MAP2: variants seen among roughly 807,000 people sequenced by gnomAD.
MAP2 encodes microtubule-associated protein 2.
MAP2 carries 14 observed loss-of-function variants against 137.6 expected under a neutral mutation model. The ratio of observed to expected loss-of-function variants is 0.10; its 90% CI spans 0.07 to 0.16. The LOEUF (loss-of-function observed/expected upper bound fraction) is 0.16, where lower values mean the gene tolerates loss of function less well. MAP2 is among the 10% of genes least tolerant of loss of function. MAP2 has a pLI of 1.00. For synonymous variants in MAP2, 786 were observed against 782.3 expected (o/e 1.00, Z -0.08); for missense variants, 2,088 against 2,191.5 (o/e 0.95, Z 0.94).
chr2:209,443,641 T>C (rs1029060186), intron 1 of MAP2, among the ~76,000 whole-genome samples: 5 of 151,642 alleles, frequency 3.3e-5, no homozygotes, highest in African/African-American at 9.7e-5. Context: ...TCAACCTCAG[T>C]TTCTTCACTT....
intron 6 of MAP2, among the ~76,000 whole-genome samples, chr2:209,680,374 A>G (rs977930111): frequency 3.9e-5 from 6 of 152,202 alleles, no homozygotes; most frequent in Non-Finnish European, 5.9e-5. Flanking sequence ...AGCTGAATCC[A>G]GACTAAAAAC....
intron 2 of MAP2, among the ~76,000 whole-genome samples, chr2:209,570,173 A>C (rs1002903241): frequency 6.6e-6 from 1 of 151,846 alleles, no homozygotes; most frequent in African/African-American, 2.4e-5. Context: ...AGTCTGTCTA[A>C]ACTCCCTCTC....
chr2:209,585,764 T>C (rs767415502), intron 3 of MAP2, among the ~76,000 whole-genome samples: 2 of 152,184 alleles, frequency 1.3e-5, no homozygotes, highest in Non-Finnish European at 2.9e-5. Context: ...TTTAAATAAT[T>C]TCCAATGGAT....
chr2:209,442,092 T>A (rs968395576), intron 1 of MAP2, among the ~76,000 whole-genome samples: 1 of 151,636 alleles, frequency 6.6e-6, no homozygotes, highest in Non-Finnish European at 1.5e-5. Flanking sequence ...GTTTTTATTA[T>A]GTTTTTCTAC....
Position 209,447,234 on chromosome 2 carries a change from C to G in MAP2, c.-222+22958C>G, listed in dbSNP as rs886727290. 6.6e-5 allele frequency among the ~76,000 whole-genome samples: 10 copies of G among 152,042 alleles called. No homozygotes were observed. The East Asian group carries it at 1.7e-3, about 27-fold the overall frequency. On this transcript the variant is annotated intron_variant, in intron 1 of 15. Coordinates refer to ENST00000682079, the MANE Select transcript of MAP2 (RefSeq NM_001375505.1). ...TTTCATTAAATTGATCATGAACTTT[C>G]TATTTGATAAAAATGTGGCTTTTTA...
chr2:209,595,314 C>G (rs554390974), intron 3 of MAP2, among the ~76,000 whole-genome samples: 21 of 152,096 alleles, frequency 1.4e-4, no homozygotes, highest in African/African-American at 5.1e-4. Context: ...TAATTAGCTG[C>G]CACAAAACTA....
At chr2:209,690,490 T>G in intron 7 of MAP2, 1 of 743,816 alleles carries the variant, frequency 1.3e-6, no homozygotes, top group South Asian at 1.9e-5. Context: ...AAAAAACAGC[T>G]GAGGTCTTCA....
intron 5 of MAP2, among the ~76,000 whole-genome samples, chr2:209,674,159 T>C (rs2050177463): frequency 1.3e-5 from 2 of 151,864 alleles, no homozygotes; most frequent in African/African-American, 2.4e-5. Context: ...ATCAGTGATA[T>C]TGGATTAACT....
intron 2 of MAP2, among the ~76,000 whole-genome samples, chr2:209,567,667 G>A (rs190308821): frequency 1.4e-3 from 211 of 151,652 alleles, no homozygotes; most frequent in Middle Eastern, 3.4e-3. Context: ...TTTGCTATTA[G>A]TAGCAAAAGG....
rs369477061 is a variant in MAP2 at position 209,501,475 on chromosome 2, G to A, written c.-221-6117G>A. ...GCAGGAGTGTGGCAAGGGGGAAGAAGAGCTTTACCAATTAACTCAAGATTA... is the reference window on the plus strand; with the variant it reads ...GCAGGAGTGTGGCAAGGGGGAAGAAAAGCTTTACCAATTAACTCAAGATTA... On this transcript the variant is annotated intron_variant, in intron 1 of 15. Transcript: ENST00000682079. 2.0e-4 allele frequency among the ~76,000 whole-genome samples: 30 copies of A among 152,240 alleles called. No homozygotes were observed. In the East Asian group the frequency reaches 4.4e-3, roughly 23 times the overall value.
At chr2:209,636,200 A>G (rs528621254) in intron 4 of MAP2, among the ~76,000 whole-genome samples, 84 of 152,168 alleles carry the variant, frequency 5.5e-4, no homozygotes, top group Admixed American at 2.4e-3. Flanking sequence ...TTTAGAATTC[A>G]CTAAAGCAAA....
chr2:209,701,634 G>A (rs1178828474), intron 11 of MAP2, among the ~76,000 whole-genome samples: 3 of 152,038 alleles, frequency 2.0e-5, no homozygotes, highest in Non-Finnish European at 4.4e-5. Flanking sequence ...AAAGTAGTGA[G>A]TGATTCATTT....
At chr2:209,555,630 T>C (rs2070384406) in intron 2 of MAP2, among the ~76,000 whole-genome samples, 1 of 152,244 alleles carries the variant, frequency 6.6e-6, no homozygotes, top group Admixed American at 6.5e-5. Flanking sequence ...CTTTATTTCT[T>C]TACTTCACAA....
chr2:209,493,227 A>G (rs2059350616), intron 1 of MAP2, among the ~76,000 whole-genome samples: 1 of 152,228 alleles, frequency 6.6e-6, no homozygotes, highest in Admixed American at 6.5e-5. Context: ...CGCTAGCCAT[A>G]TGCAGAAAAC....
At chr2:209,434,030 T>C (rs767991320) in intron 1 of MAP2, among the ~76,000 whole-genome samples, 3 of 152,122 alleles carry the variant, frequency 2.0e-5, no homozygotes, top group Non-Finnish European at 4.4e-5. Context: ...ATTTTGCTTC[T>C]TAGAGACAAT....
At chr2:209,433,421 C>T (rs1036538955) in intron 1 of MAP2, among the ~76,000 whole-genome samples, 3 of 152,004 alleles carry the variant, frequency 2.0e-5, no homozygotes, top group Non-Finnish European at 4.4e-5. Context: ...GTACTGGAGT[C>T]CAACAGACAC....
chr2:209,561,310 G>T (rs1054344296), intron 2 of MAP2, among the ~76,000 whole-genome samples: 1 of 152,184 alleles, frequency 6.6e-6, no homozygotes, highest in African/African-American at 2.4e-5. Flanking sequence ...ATTGGGTTTG[G>T]TAGGGCTTTA....
At chr2:209,684,153 T>C (rs1270025069) in intron 7 of MAP2, among the ~76,000 whole-genome samples, 4 of 152,192 alleles carry the variant, frequency 2.6e-5, no homozygotes, top group Non-Finnish European at 5.9e-5. Context: ...CTAATCATAA[T>C]AGTTGTCATT....
intron 4 of MAP2, among the ~76,000 whole-genome samples, chr2:209,638,120 C>A (rs1172237886): frequency 6.6e-6 from 1 of 152,036 alleles, no homozygotes; most frequent in Non-Finnish European, 1.5e-5. Flanking sequence ...GAATTGTATA[C>A]ATTTCAGGCC....
Sources: allele counts gnomAD v4.1 joint callset (sites outside exome capture counted in the v4.1 genomes callset), GRCh38; gene constraint gnomAD v4.1.1; transcripts MANE v1.5; gene names NCBI Gene and HGNC (gene_info 2026-07-23, HGNC 2026-07-21).